The following PKNOX2 variants were observed in gnomAD, a reference collection of about 807,000 sequenced individuals.
PKNOX2 encodes homeobox protein PKNOX2.
Under a neutral mutation model 53.1 loss-of-function variants are expected in PKNOX2, and 14 were observed. The observed-to-expected ratio is 0.26, with a 90% CI of 0.17 to 0.41. PKNOX2 has a LOEUF of 0.41. PKNOX2 is among the 10% of genes least tolerant of loss of function. The pLI, the probability that PKNOX2 is intolerant of heterozygous loss-of-function variation, is 1.00. For synonymous variants in PKNOX2, 257 were observed against 242.8 expected (o/e 1.06, Z -0.54); for missense variants, 496 against 602.8 (o/e 0.82, Z 1.85).
intron 4 of PKNOX2, among the ~76,000 whole-genome samples, chr11:125,365,119 A>G (rs1281778436): frequency 1.3e-5 from 2 of 152,094 alleles, no homozygotes; most frequent in South Asian, 4.1e-4. Flanking sequence ...TCCTTCAGAT[A>G]TTCAAAGGGT....
chr11:125,344,894 C>G (rs1439727855), intron 3 of PKNOX2, among the ~76,000 whole-genome samples: 1 of 152,106 alleles, frequency 6.6e-6, no homozygotes, highest in East Asian at 1.9e-4. Context: ...ACAGAGTGAA[C>G]AAGGATGTGA....
chr11:125,298,620 G>A (rs1041217996), intron 2 of PKNOX2, among the ~76,000 whole-genome samples: 4 of 152,178 alleles, frequency 2.6e-5, no homozygotes, highest in Admixed American at 6.5e-5. Context: ...GTTCTGAGCC[G>A]CTGAAAGGCC....
At chr11:125,170,547 TC>T (rs1955216145) in intron 1 of PKNOX2, among the ~76,000 whole-genome samples, 1 of 152,260 alleles carries the variant, frequency 6.6e-6, no homozygotes, top group East Asian at 1.9e-4. Context: ...TCTCACGCGG[TC>T]AAGCAGAGCT....
In PKNOX2 at chr11:125,275,369, C is replaced by T. The variant is rs145117102; in HGVS notation, c.-130+40254C>T. ...GTGCATGGGGAATGAGTAGACAAGA[C>T]GGAGGATGAAGAGAAAGGAGGTCAG... On this transcript the variant is annotated intron_variant, in intron 2 of 12. Transcript: ENST00000298282. 2.9e-4 allele frequency among the ~76,000 whole-genome samples: 44 copies of T among 152,136 alleles called. 1 individual carries two copies. Among genetic ancestry groups the T allele is most frequent in the East Asian group, 1.2e-3 (6 of 5,176 alleles).
chr11:125,258,182 C>T (rs1197267229), intron 2 of PKNOX2, among the ~76,000 whole-genome samples: 1 of 152,204 alleles, frequency 6.6e-6, no homozygotes, highest in Non-Finnish European at 1.5e-5. Context: ...TCCTCATAGA[C>T]TTTCCTTAGC....
chr11:125,342,048 C>CCAGGAAGGTG (rs1365440090), intron 3 of PKNOX2, among the ~76,000 whole-genome samples: 4 of 152,184 alleles, frequency 2.6e-5, no homozygotes, highest in African/African-American at 4.8e-5. Flanking sequence ...GCCTGGGCCA[C>CCAGGAAGGTG]CAGGAAGGTG....
At chr11:125,397,759 A>G in intron 6 of PKNOX2, 115 bp from the exon 7 acceptor site, 1 of 1,079,302 alleles carries the variant, frequency 9.3e-7, no homozygotes, top group South Asian at 1.5e-5. Flanking sequence ...TGTAGGAAGC[A>G]TGAGCTACGG....
intron 3 of PKNOX2, among the ~76,000 whole-genome samples, chr11:125,349,646 C>T (rs1951190229): frequency 6.6e-6 from 1 of 151,760 alleles, no homozygotes; most frequent in Non-Finnish European, 1.5e-5. Flanking sequence ...CCTAGCCATG[C>T]CTCATTCATC....
intron 3 of PKNOX2, among the ~76,000 whole-genome samples, chr11:125,340,306 G>T (rs971304450): frequency 1.3e-5 from 2 of 152,172 alleles, no homozygotes; most frequent in Non-Finnish European, 2.9e-5. Context: ...GCCAGTATTC[G>T]AGGGCCCAAC....
At chr11:125,371,125 G>A (rs1046054974) in intron 5 of PKNOX2, among the ~76,000 whole-genome samples, 3 of 152,224 alleles carry the variant, frequency 2.0e-5, no homozygotes, top group Admixed American at 2.0e-4. Context: ...GGCAGCGTCT[G>A]TCTTTAATTG....
At chr11:125,413,300 T>C (rs1007535471) in intron 10 of PKNOX2, among the ~76,000 whole-genome samples, 3 of 152,162 alleles carry the variant, frequency 2.0e-5, no homozygotes, top group African/African-American at 4.8e-5. Context: ...GCCTCAGGCC[T>C]CTAAGGAGCA....
chr11:125,167,875 G>A (rs1214635529), intron 1 of PKNOX2, among the ~76,000 whole-genome samples: 2 of 152,138 alleles, frequency 1.3e-5, no homozygotes, highest in Non-Finnish European at 2.9e-5. Flanking sequence ...GTGACAATGA[G>A]AATTAATAAA....
At position 125,269,303 on chromosome 11, in the gene PKNOX2, A is replaced by G. The variant is rs918996835; in HGVS notation, c.-130+34188A>G. On this transcript the variant is annotated intron_variant, in intron 2 of 12. Transcript: ENST00000298282. Reference sequence around the variant, plus strand: ...CAAAGTGAGACCGCAGGTATTCATCATCCTGATGGAAATGCTCATTTTATT... The same window carrying G: ...CAAAGTGAGACCGCAGGTATTCATCGTCCTGATGGAAATGCTCATTTTATT... Among the ~76,000 whole-genome samples, 7 of 152,006 alleles carry G rather than the reference A, an allele frequency of 4.6e-5. No individual in the cohort carries two copies. The East Asian group carries it at 1.4e-3, about 29-fold the overall frequency.
intron 2 of PKNOX2, among the ~76,000 whole-genome samples, chr11:125,251,097 G>A (rs772663938): frequency 2.0e-5 from 3 of 152,216 alleles, no homozygotes; most frequent in African/African-American, 2.4e-5. Context: ...TGTAGCCCCC[G>A]AGTCATCACG....
intron 1 of PKNOX2, among the ~76,000 whole-genome samples, chr11:125,208,384 C>G (rs1359544640): frequency 6.6e-6 from 1 of 152,060 alleles, no homozygotes; most frequent in Non-Finnish European, 1.5e-5. Flanking sequence ...GGAATTTGCA[C>G]TTTTCTATAG....
chr11:125,357,775 C>T lies in PKNOX2; in HGVS notation c.87+6383C>T, dbSNP rs115323927. ...AGAGGAGGATGGAATGACTCAATCTCGTAGAAATTCAGCAATCAGGACTTG... is the reference window on the plus strand; with the variant it reads ...AGAGGAGGATGGAATGACTCAATCTTGTAGAAATTCAGCAATCAGGACTTG... On this transcript the variant is annotated intron_variant, in intron 4 of 12. Coordinates refer to ENST00000298282, the MANE Select transcript of PKNOX2 (RefSeq NM_001382323.2). Among the ~76,000 whole-genome samples, 189 of 152,172 alleles carry T rather than the reference C, an allele frequency of 1.2e-3. 1 individual carries two copies. The highest frequency in any genetic ancestry group is 4.3e-3 in the African/African-American group (179 of 41,516).
At chr11:125,236,470 C>A (rs1268212077) in intron 2 of PKNOX2, among the ~76,000 whole-genome samples, 1 of 152,280 alleles carries the variant, frequency 6.6e-6, no homozygotes, top group South Asian at 2.1e-4. Flanking sequence ...GTTAGAGGGA[C>A]CTCATAAGTC....
At chr11:125,221,126 G>A (rs1219568779) in intron 1 of PKNOX2, among the ~76,000 whole-genome samples, 6 of 152,152 alleles carry the variant, frequency 3.9e-5, no homozygotes, top group Non-Finnish European at 4.4e-5. Flanking sequence ...CTGCACTCCA[G>A]CCTGGGTGAC....
intron 1 of PKNOX2, among the ~76,000 whole-genome samples, chr11:125,231,334 T>C (rs1027381293): frequency 1.3e-5 from 2 of 152,158 alleles, no homozygotes; most frequent in African/African-American, 4.8e-5. Context: ...CTTCTATCCC[T>C]CTCCCCGCCT....
Sources: allele counts gnomAD v4.1 joint callset (sites outside exome capture counted in the v4.1 genomes callset), GRCh38; gene constraint gnomAD v4.1.1; transcripts MANE v1.5; gene names NCBI Gene and HGNC (gene_info 2026-07-23, HGNC 2026-07-21).